The following TFEC variants were observed in gnomAD, a reference collection of about 807,000 sequenced individuals.
TFEC encodes transcription factor EC, also known as class E basic helix-loop-helix protein 34.
TFEC carries 31 observed loss-of-function variants against 41.6 expected under a neutral mutation model. That is an observed-to-expected ratio of 0.74 (90% CI 0.56 to 1.01). TFEC has a LOEUF of 1.01. TFEC is among the 50% of genes least tolerant of loss of function. The pLI is 0.00. For missense variants in TFEC, 402 were observed against 404.1 expected (o/e 0.99, Z 0.04); for synonymous variants, 143 against 140.6 (o/e 1.02, Z -0.12).
intron 3 of TFEC, among the ~76,000 whole-genome samples, chr7:116,082,421 T>A (rs968831310): frequency 6.6e-6 from 1 of 152,018 alleles, no homozygotes; most frequent in Non-Finnish European, 1.5e-5. Flanking sequence ...CCTAAATATA[T>A]TCTAACTCAC....
intron 3 of TFEC, among the ~76,000 whole-genome samples, chr7:116,080,953 C>A (rs1222703811): frequency 2.0e-5 from 3 of 149,242 alleles, no homozygotes; most frequent in Non-Finnish European, 3.0e-5. Context: ...CCCCATCAAT[C>A]AACGAGTGGA....
chr7:115,972,183 G>T (rs1025193245), intron 3 of TFEC, among the ~76,000 whole-genome samples: 1 of 151,856 alleles, frequency 6.6e-6, no homozygotes, highest in Non-Finnish European at 1.5e-5. Context: ...TAACTATACA[G>T]TACTTCATAA....
chr7:116,113,398 G>T (rs753897488), intron 1 of TFEC, among the ~76,000 whole-genome samples: 1 of 151,944 alleles, frequency 6.6e-6, no homozygotes, highest in Non-Finnish European at 1.5e-5. Flanking sequence ...AGTTGTGCTA[G>T]GAGGCAAGCT....
chr7:116,076,438 C>T (rs556945412), intron 3 of TFEC, among the ~76,000 whole-genome samples: 11 of 151,924 alleles, frequency 7.2e-5, no homozygotes, highest in African/African-American at 2.7e-4. Context: ...TCTGAATTGC[C>T]AGAAAAAGAA....
At chr7:116,116,341 GAGA>G (rs1390447668) in intron 1 of TFEC, among the ~76,000 whole-genome samples, 6 of 151,886 alleles carry the variant, frequency 4.0e-5, no homozygotes, top group Admixed American at 3.9e-4. Context: ...TCATGTGAAG[GAGA>G]AGTAGATTTA....
chr7:115,998,259 A>T (rs1410008974), intron 1 of TFEC, among the ~76,000 whole-genome samples: 1 of 152,148 alleles, frequency 6.6e-6, no homozygotes, highest in East Asian at 1.9e-4. Context: ...TTACCTATTT[A>T]AACAATAGGT....
chr7:116,006,661 T>C (rs1266260701), intron 1 of TFEC, among the ~76,000 whole-genome samples: 1 of 152,108 alleles, frequency 6.6e-6, no homozygotes. Context: ...AATGCTGAAA[T>C]GGGTTAAGAC....
intron 1 of TFEC, among the ~76,000 whole-genome samples, chr7:116,115,229 G>T (rs1483918718): frequency 1.3e-5 from 2 of 151,990 alleles, no homozygotes; most frequent in Non-Finnish European, 2.9e-5. Context: ...GTTTCAGACA[G>T]TTTTGGATAC....
In TFEC at chr7:116,130,045, A is replaced by AACACACACACACACACAC. The variant is rs56872188; in HGVS notation, c.-68-18025_-68-18008dup. 8.4e-5 allele frequency among the ~76,000 whole-genome samples: 12 copies of AACACACACACACACACAC among 142,248 alleles called. No individual in the cohort carries two copies. In the East Asian group the frequency reaches 1.9e-3, roughly 23 times the overall value. 93.3% of individuals were successfully genotyped at this position (142,248 alleles called of 152,430 possible). ...ATATTCCTGCCACCAAACATGCAAG[A>AACACACACACACACACAC]ACACACACACACACACACACACACA... On this transcript the variant is annotated intron_variant, in intron 1 of 8. Transcript: ENST00000484212.
At chr7:115,976,662 A>T (rs1212857166) in intron 2 of TFEC, among the ~76,000 whole-genome samples, 2 of 152,118 alleles carry the variant, frequency 1.3e-5, no homozygotes, top group African/African-American at 4.8e-5. Flanking sequence ...TTAAACTTGA[A>T]TTTTTATTTT....
intron 1 of TFEC, among the ~76,000 whole-genome samples, chr7:116,003,108 A>C (rs928087645): frequency 6.6e-6 from 1 of 152,166 alleles, no homozygotes; most frequent in African/African-American, 2.4e-5. Flanking sequence ...TCAATGGTTT[A>C]AATGCATCAA....
intron 3 of TFEC, among the ~76,000 whole-genome samples, chr7:116,106,763 A>T (rs1797727916): frequency 6.6e-6 from 1 of 152,218 alleles, no homozygotes; most frequent in African/African-American, 2.4e-5. Context: ...TTTTGAGGCA[A>T]GAAATGTAAT....
At chr7:115,949,547 A>T (rs550663737) in intron 6 of TFEC, among the ~76,000 whole-genome samples, 2 of 152,302 alleles carry the variant, frequency 1.3e-5, no homozygotes, top group East Asian at 1.9e-4. Flanking sequence ...ATAATACCGC[A>T]TATATAAAAC....
At chr7:116,154,641 ATTCT>A (rs1562989269) in intron 1 of TFEC, among the ~76,000 whole-genome samples, 1 of 152,184 alleles carries the variant, frequency 6.6e-6, no homozygotes, top group South Asian at 2.1e-4. Flanking sequence ...TGAATATATA[ATTCT>A]TTAAGATATT....
intron 3 of TFEC, among the ~76,000 whole-genome samples, chr7:116,098,673 C>T (rs1409756802): frequency 6.6e-6 from 1 of 152,034 alleles, no homozygotes; most frequent in Non-Finnish European, 1.5e-5. Context: ...AATTTGAAAA[C>T]AATAAATTAA....
intron 3 of TFEC, among the ~76,000 whole-genome samples, chr7:116,109,117 AC>A (rs1333712722): frequency 1.3e-5 from 2 of 151,792 alleles, no homozygotes; most frequent in African/African-American, 4.8e-5. Flanking sequence ...AACCATAAAA[AC>A]CCTAGAAGAA....
chr7:116,014,536 T>C (rs1349209319), intron 1 of TFEC, among the ~76,000 whole-genome samples: 1 of 152,058 alleles, frequency 6.6e-6, no homozygotes, highest in Non-Finnish European at 1.5e-5. Context: ...AAAACAAAAA[T>C]ATTTTTGAAA....
At chr7:116,110,843 T>G (rs1281643450) in exon 3 of TFEC, 5 of 1,545,906 alleles carry the variant, frequency 3.2e-6, no homozygotes, top group Non-Finnish European at 3.5e-6. Flanking sequence ...TTTGAAGTCT[T>G]CTCTCCTTTT....
chr7:116,010,668 A>G (rs1794966822), intron 1 of TFEC, among the ~76,000 whole-genome samples: 2 of 152,186 alleles, frequency 1.3e-5, no homozygotes, highest in African/African-American at 4.8e-5. Context: ...CCTACTTAGA[A>G]GACAAGAAGG....
Sources: gnomAD v4.1 joint callset for allele counts (sites outside exome capture counted in the v4.1 genomes callset) on GRCh38, gnomAD v4.1.1 for gene constraint, MANE v1.5 for transcripts, NCBI Gene and HGNC (gene_info 2026-07-23, HGNC 2026-07-21) for gene names.